Variants in ZNF222 observed in about 807,000 individuals in gnomAD.
ZNF222 encodes zinc finger protein 222.
A neutral mutation model predicts 11.6 loss-of-function variants in ZNF222; 8 were observed. That is an observed-to-expected ratio of 0.69 (90% CI 0.41 to 1.25). ZNF222 has a LOEUF of 1.25. ZNF222 is among the 50% of genes most tolerant of loss of function. The pLI, the probability that ZNF222 is intolerant of heterozygous loss-of-function variation, is 0.01. For missense variants in ZNF222, 483 were observed against 576.1 expected (o/e 0.84, Z 1.65); for synonymous variants, 171 against 195.6 (o/e 0.87, Z 1.05).
chr19:44,027,476 G>A lies in ZNF222; in HGVS notation c.248G>A (p.Arg83Lys). 1 of 1,613,986 alleles carries A rather than the reference G, an allele frequency of 6.2e-7. No homozygotes were observed. Among genetic ancestry groups the A allele is most frequent in the Non-Finnish European group, 8.5e-7 (1 of 1,179,926 alleles). The change falls in exon 3 of 4, where the codon AGA (arginine) becomes AAA (lysine). Residue 83 changes from arginine (R) to lysine (K), a missense_variant. By Grantham distance (26) the Arg-to-Lys change is conservative. Coordinates refer to ENST00000391960, the MANE Select transcript of ZNF222 (RefSeq NM_001129996.2). The part of the protein sequence containing the change: ...KFWVMGTTSQ[R>K]EGNLGGKIQT... ...TGGGTGATGGGGACAACAAGCCAAA[G>A]AGAAGGGAATTTGGGTAAGAACCAA...
chr19:44,027,343 CATG>C (rs1419232001), intron 2 of ZNF222, 52 bp from the exon 3 acceptor site: 1 of 1,576,138 alleles, frequency 6.3e-7, no homozygotes, highest in East Asian at 2.2e-5. Flanking sequence ...TTTGCACCAA[CATG>C]ATATTACCTT....
At position 44,025,422 on chromosome 19, in the gene ZNF222, G is replaced by T; in HGVS notation, c.-15G>T. 1 of 1,551,536 alleles carries T rather than the reference G, an allele frequency of 6.4e-7. No homozygotes were observed. The highest frequency in any genetic ancestry group is 1.2e-5 in the South Asian group (1 of 84,042). On this transcript the variant is annotated 5_prime_UTR_variant, in exon 1 of 4. Transcript: ENST00000391960. The surrounding 1 kb of genome is among the most constrained non-coding windows in gnomAD (Gnocchi z 4.6). ...TCCGAACGAGTCTCCTTTCCTTGGG[G>T]CTCGCAACCACCCAATGATCGATTC...
rs1195929128 is a variant in ZNF222 at position 44,026,186 on chromosome 19, C to A, written c.42+708C>A. On this transcript the variant is annotated intron_variant, in intron 1 of 3. Transcript: ENST00000391960. ...GGCATGGGTGTCGATAATGATTAAG[C>A]CTTAATTGGTAACTTTATTCCAAGT... 6.6e-6 allele frequency: 8 copies of A among 1,212,702 alleles called. No homozygotes were observed. The African/African-American group carries it at 7.6e-5, about 12-fold the overall frequency. 75.1% of individuals were successfully genotyped at this position (1,212,702 alleles called of 1,614,324 possible).
In ZNF222 at chr19:44,032,652, A is replaced by G. The variant is rs1209388806; in HGVS notation, c.1098A>G (p.Ser366=). ...KECGKSFKWS[S]YLLVHQRVHT... is the part of the protein sequence containing the mutation. ...GTGGGAAGAGCTTCAAATGGTCCTC[A>G]TATCTTTTGGTCCATCAACGAGTCC... is the stretch of plus-strand genomic sequence containing the variant. Residue 366 remains serine (S), a synonymous_variant, in exon 4 of 4, where the codon TCA becomes TCG. Coordinates refer to ENST00000391960, the MANE Select transcript of ZNF222 (RefSeq NM_001129996.2). 1.9e-6 allele frequency: 3 copies of G among 1,614,020 alleles called. No individual in the cohort carries two copies. The highest frequency in any genetic ancestry group is 2.7e-5 in the African/African-American group (2 of 74,906).
chr19:44,026,826 C>A (rs1976383327), intron 1 of ZNF222, among the ~76,000 whole-genome samples, 197 bp from the exon 2 acceptor site: 1 of 152,160 alleles, frequency 6.6e-6, no homozygotes, highest in Non-Finnish European at 1.5e-5. Context: ...CTGGTGTGTG[C>A]AGTCTCCATT....
rs1976349263 is a variant in ZNF222 at position 44,025,908 on chromosome 19, G to T, written c.42+430G>T. 2 of 1,051,268 alleles carry T rather than the reference G, an allele frequency of 1.9e-6. No individual in the cohort carries two copies. Among genetic ancestry groups the T allele is most frequent in the South Asian group, 1.6e-5 (1 of 63,210 alleles). The allele number at this position is 1,051,268 out of a possible 1,614,324, so 65.1% of individuals were successfully genotyped here. On this transcript the variant is annotated intron_variant, in intron 1 of 3. Transcript: ENST00000391960. This position sits in a 1 kb window ranked among gnomAD's most constrained non-coding sequence, Gnocchi z 4.6. ...CCGGCCCTTCTGCCTGATCCCTGCAGGACGCTGGATGATCCCTGACGCCTT... is the reference window on the plus strand; with the variant it reads ...CCGGCCCTTCTGCCTGATCCCTGCATGACGCTGGATGATCCCTGACGCCTT...
At chr19:44,026,929 C>A in intron 1 of ZNF222, 94 bp from the exon 2 acceptor site, 1 of 1,558,492 alleles carries the variant, frequency 6.4e-7, no homozygotes, top group Non-Finnish European at 8.7e-7. Context: ...AGATCCAAAA[C>A]AACTTTACAC....
chr19:44,032,515 G>A lies in ZNF222; in HGVS notation c.961G>A (p.Ala321Thr). The change falls in exon 4 of 4, where the codon GCA becomes ACA. Residue 321 changes from alanine (A) to threonine (T), a missense_variant. Coordinates refer to ENST00000391960, the MANE Select transcript of ZNF222 (RefSeq NM_001129996.2). ...SLNRHCMVHT[A>T]EKLYKSEKYG... ...TAATAGGCATTGCATGGTCCACACA[G>A]CAGAGAAACTGTACAAATCTGAAAA... 3 of 1,614,214 alleles carry A rather than the reference G, an allele frequency of 1.9e-6. No homozygotes were observed. The highest frequency in any genetic ancestry group is 2.2e-5 in the East Asian group (1 of 44,874).
intron 3 of ZNF222, among the ~76,000 whole-genome samples, chr19:44,028,577 G>A (rs914991326): frequency 3.9e-5 from 6 of 152,166 alleles, no homozygotes; most frequent in Admixed American, 1.3e-4. Context: ...TGGCCTGCCT[G>A]TGTTGTGTCT....
chr19:44,025,448 A>G lies in ZNF222; in HGVS notation c.12A>G (p.Ser4=), dbSNP rs1249473709. MID[S]GEKKPGRRAE... ...CTCGCAACCACCCAATGATCGATTCAGGAGAAAAGAAGCCTGGGCGGAGAG... is the reference window on the plus strand; with the variant it reads ...CTCGCAACCACCCAATGATCGATTCGGGAGAAAAGAAGCCTGGGCGGAGAG... The change falls in exon 1 of 4, where the codon TCA becomes TCG. Residue 4 remains serine (S), a synonymous_variant. Coordinates refer to ENST00000391960, the MANE Select transcript of ZNF222 (RefSeq NM_001129996.2). This position sits in a 1 kb window ranked among gnomAD's most constrained non-coding sequence, Gnocchi z 4.6. The G allele has an allele frequency of 1.3e-6, 2 of 1,551,430 alleles. No individual in the cohort carries two copies. Among genetic ancestry groups the G allele is most frequent in the South Asian group, 1.2e-5 (1 of 84,048 alleles).
chr19:44,026,165 T>G (rs1347038273), intron 1 of ZNF222: 1 of 1,418,158 alleles, frequency 7.1e-7, no homozygotes, highest in African/African-American at 1.4e-5. Flanking sequence ...CCCTCGGGCA[T>G]GGGTGTCGAT....
In ZNF222 at chr19:44,032,657, T is replaced by A; in HGVS notation, c.1103T>A (p.Leu368His). 1 of 1,614,152 alleles carries A rather than the reference T, an allele frequency of 6.2e-7. No individual in the cohort carries two copies. Among genetic ancestry groups the A allele is most frequent in the South Asian group, 1.1e-5 (1 of 91,092 alleles). Reference protein sequence around the residue: ...CGKSFKWSSYLLVHQRVHTGE... With the variant: ...CGKSFKWSSYHLVHQRVHTGE... ...AAGAGCTTCAAATGGTCCTCATATC[T>A]TTTGGTCCATCAACGAGTCCACACT... is the stretch of plus-strand genomic sequence containing the variant. Residue 368 changes from leucine (L) to histidine (H), a missense_variant, in exon 4 of 4, where the codon CTT (leucine) becomes CAT (histidine). By Grantham distance (99) the Leu-to-His change is moderately conservative (BLOSUM62 -3). Coordinates refer to ENST00000391960, the MANE Select transcript of ZNF222 (RefSeq NM_001129996.2).
chr19:44,027,013 G>C lies in ZNF222; in HGVS notation c.43-10G>C. The C allele has an allele frequency of 6.2e-7, 1 of 1,613,926 alleles. No homozygotes were observed. On this transcript the variant is annotated splice_polypyrimidine_tract_variant and intron_variant, in intron 1 of 3. Transcript: ENST00000391960. ...CGTAAGATTGAGGTGACATCTGCTT[G>C]ATGTTGTAGGAGGCAGTGACCTTCA...
At chr19:44,029,259 C>T (rs1356323588) in intron 3 of ZNF222, among the ~76,000 whole-genome samples, 1 of 114,536 alleles carries the variant, frequency 8.7e-6, no homozygotes, top group Non-Finnish European at 1.7e-5. Flanking sequence ...CTTAGGTTCT[C>T]TTGACATGGT....
intron 1 of ZNF222, chr19:44,026,072 A>G (rs988658277): frequency 5.6e-6 from 9 of 1,613,594 alleles, no homozygotes; most frequent in Non-Finnish European, 7.6e-6. Context: ...TTGGCTACTG[A>G]TGGCAAAGCT....
chr19:44,027,676 G>A (rs764646399), intron 3 of ZNF222, among the ~76,000 whole-genome samples, 186 bp downstream of exon 3: 7 of 135,176 alleles, frequency 5.2e-5, no homozygotes, highest in East Asian at 5.2e-4. Flanking sequence ...AAAGTGATCC[G>A]TAGGAAACGG....
At chr19:44,029,675 G>A (rs188821943) in intron 3 of ZNF222, among the ~76,000 whole-genome samples, 21 of 152,188 alleles carry the variant, frequency 1.4e-4, no homozygotes, top group Admixed American at 9.2e-4. Flanking sequence ...TTATTTATAC[G>A]TGACAGCATA....
At chr19:44,026,556 A>ATATATT (rs1491128087) in intron 1 of ZNF222, among the ~76,000 whole-genome samples, 12 of 101,846 alleles carry the variant, frequency 1.2e-4, no homozygotes, top group African/African-American at 4.2e-4. Flanking sequence ...ATATATATAT[A>ATATATT]TTTTTTTTTT....
chr19:44,025,697 G>C lies in ZNF222; in HGVS notation c.42+219G>C, dbSNP rs934513735. 1.0e-4 allele frequency among the ~76,000 whole-genome samples: 10 copies of C among 99,650 alleles called. No individual in the cohort carries two copies. The highest frequency in any genetic ancestry group is 4.2e-4 in the African/African-American group (10 of 24,068). The allele number at this position is 99,650 out of a possible 152,430, so 65.4% of individuals were successfully genotyped here. On this transcript the variant is annotated intron_variant, in intron 1 of 3. Transcript: ENST00000391960. The surrounding 1 kb of genome is among the most constrained non-coding windows in gnomAD (Gnocchi z 4.6). ...TTTATCTTCCATTGCTGGTTCGTTT[G>C]TTTGTTTGTTTTGTAACGGGACTTT...
Sources: allele counts gnomAD v4.1 joint callset (sites outside exome capture counted in the v4.1 genomes callset), GRCh38; gene constraint gnomAD v4.1.1; non-coding constraint Gnocchi (gnomAD v3.1); transcripts MANE v1.5; gene names NCBI Gene and HGNC (gene_info 2026-07-23, HGNC 2026-07-21).